ZFAT: variants seen among roughly 807,000 people sequenced by gnomAD.
ZFAT encodes zinc finger protein ZFAT.
ZFAT carries 64 observed loss-of-function variants against 117.7 expected under a neutral mutation model. That is an observed-to-expected ratio of 0.54 (90% CI 0.44 to 0.67). The LOEUF (loss-of-function observed/expected upper bound fraction) is 0.67, where lower values mean the gene tolerates loss of function less well. Among genes scored for constraint, ZFAT ranks in the 30% least tolerant of loss-of-function variants. The probability of loss-of-function intolerance (pLI) is 0.00; values close to 1 mark genes in which losing one functional copy is unlikely to be tolerated. For missense variants in ZFAT, 1,433 were observed against 1,584.5 expected (o/e 0.90, Z 1.62); for synonymous variants, 679 against 615.0 (o/e 1.10, Z -1.54).
the ZFAT span, chr8:134,766,607 C>T: frequency 6.6e-6 from 1 of 152,294 alleles, no homozygotes; most frequent in South Asian, 2.1e-4. Flanking sequence ...ATCTACTGTA[C>T]TCTACACACT....
intron 2 of ZFAT, among the ~76,000 whole-genome samples, chr8:134,656,089 T>C (rs114160563): frequency 6.6e-6 from 1 of 151,796 alleles, no homozygotes; most frequent in South Asian, 2.1e-4. Flanking sequence ...CCATGGAGAG[T>C]GTGGGTGTCA....
intron 1 of ZFAT, among the ~76,000 whole-genome samples, chr8:134,674,490 G>C: frequency 6.6e-6 from 1 of 152,352 alleles, no homozygotes; most frequent in East Asian, 1.9e-4. Flanking sequence ...CAGGAAGTTC[G>C]AACTGCATGG....
the ZFAT span, among the ~76,000 whole-genome samples, chr8:134,739,715 A>G: frequency 6.6e-6 from 1 of 152,340 alleles, no homozygotes; most frequent in South Asian, 2.1e-4. Flanking sequence ...AATTACAAAG[A>G]AATGTGATGG....
intron 13 of ZFAT, among the ~76,000 whole-genome samples, chr8:134,519,564 T>G (rs1231951311): frequency 2.0e-5 from 3 of 152,254 alleles, no homozygotes; most frequent in Non-Finnish European, 4.4e-5. Flanking sequence ...TGCTGCTTTT[T>G]GTTTGTATTA....
Position 134,482,837 on chromosome 8 carries a change from C to T in ZFAT, c.3493-4116G>A, listed in dbSNP as rs557443830. ...TGTGCACAAATGTGACAGGGAGGCA[C>T]GCTGTTGCCCTGTCGTGTTACTGAG... On this transcript the variant is annotated intron_variant, in intron 15 of 15. Transcript: ENST00000377838. Among the ~76,000 whole-genome samples, 7 of 152,324 alleles carry T rather than the reference C, an allele frequency of 4.6e-5. No individual in the cohort carries two copies. In the South Asian group the frequency reaches 1.2e-3, roughly 27 times the overall value.
chr8:134,679,140 A>G (rs903388992), intron 1 of ZFAT, among the ~76,000 whole-genome samples: 2 of 152,232 alleles, frequency 1.3e-5, no homozygotes, highest in African/African-American at 4.8e-5. Flanking sequence ...CTATCATCAG[A>G]GTCAACAGGC....
intron 14 of ZFAT, chr8:134,510,133 C>T (rs553555953): frequency 1.1e-5 from 5 of 458,644 alleles, no homozygotes; most frequent in Non-Finnish European, 1.7e-5. Context: ...CCAGCAAGCC[C>T]GTTCAGCCGC....
intron 15 of ZFAT, among the ~76,000 whole-genome samples, chr8:134,492,378 C>A (rs1246573859): frequency 1.3e-5 from 2 of 152,200 alleles, no homozygotes; most frequent in African/African-American, 4.8e-5. Context: ...CTTCTATGGT[C>A]CCTTCCACTC....
chr8:134,518,792 T>C (rs965862530), intron 13 of ZFAT, among the ~76,000 whole-genome samples: 5 of 152,186 alleles, frequency 3.3e-5, no homozygotes, highest in African/African-American at 1.2e-4. Flanking sequence ...TTTAAATATC[T>C]GATCCTTTTG....
At chr8:134,646,323 T>C (rs532713414) in intron 2 of ZFAT, among the ~76,000 whole-genome samples, 1 of 152,240 alleles carries the variant, frequency 6.6e-6, no homozygotes, top group African/African-American at 2.4e-5. Context: ...TAAATAGCCA[T>C]TGGGCCAAAA....
intron 15 of ZFAT, among the ~76,000 whole-genome samples, chr8:134,508,279 G>A (rs1157428492): frequency 2.0e-5 from 3 of 152,228 alleles, no homozygotes; most frequent in Non-Finnish European, 4.4e-5. Context: ...GCACACTCAG[G>A]GGACAGTTGT....
chr8:134,639,650 T>C (rs1477444689), intron 2 of ZFAT: 8 of 455,636 alleles, frequency 1.8e-5, no homozygotes, highest in Non-Finnish European at 3.5e-5. Context: ...AGAAACCATT[T>C]CCCTTGGAGT....
intron 1 of ZFAT, among the ~76,000 whole-genome samples, chr8:134,699,868 G>A (rs967200325): frequency 2.6e-5 from 4 of 152,204 alleles, no homozygotes; most frequent in Admixed American, 6.5e-5. Context: ...CTGTCGGGAT[G>A]GACAAGGCAC....
At chr8:134,503,472 A>T (rs148003583) in intron 15 of ZFAT, among the ~76,000 whole-genome samples, 1 of 152,208 alleles carries the variant, frequency 6.6e-6, no homozygotes, top group Admixed American at 6.5e-5. Context: ...ATATTTGTAC[A>T]TGTGTAATAG....
chr8:134,571,800 C>T (rs891932702), intron 10 of ZFAT, among the ~76,000 whole-genome samples: 3 of 152,058 alleles, frequency 2.0e-5, no homozygotes, highest in African/African-American at 7.2e-5. Context: ...GATTTGATAC[C>T]CATTAAACTA....
At chr8:134,790,525 C>T in the ZFAT span, among the ~76,000 whole-genome samples, 1 of 152,088 alleles carries the variant, frequency 6.6e-6, no homozygotes, top group Non-Finnish European at 1.5e-5. Context: ...CTGTCCCCCA[C>T]GCCTCAAAAA....
chr8:134,521,121 TATTCA>T (rs1820624142), intron 12 of ZFAT, 120 bp from the exon 13 acceptor site: 1 of 684,036 alleles, frequency 1.5e-6, no homozygotes, highest in East Asian at 2.8e-5. Context: ...CCAGCACTTG[TATTCA>T]ATTCAAGCTT....
chr8:134,521,194 A>C (rs527580477), intron 12 of ZFAT, among the ~76,000 whole-genome samples, 193 bp from the exon 13 acceptor site: 3 of 152,320 alleles, frequency 2.0e-5, no homozygotes, highest in African/African-American at 7.2e-5. Flanking sequence ...AGAGATTTTA[A>C]AACTTCATGT....
intron 3 of ZFAT, among the ~76,000 whole-genome samples, chr8:134,615,877 T>C (rs1182107121): frequency 2.0e-5 from 3 of 152,248 alleles, no homozygotes; most frequent in Non-Finnish European, 2.9e-5. Flanking sequence ...AAATGGTTCT[T>C]GGAGATGATC....
Sources: gnomAD v4.1 joint callset for allele counts (sites outside exome capture counted in the v4.1 genomes callset) on GRCh38, gnomAD v4.1.1 for gene constraint, MANE v1.5 for transcripts, NCBI Gene and HGNC (gene_info 2026-07-23, HGNC 2026-07-21) for gene names.